ST6GALNAC3: variants seen among roughly 807,000 people sequenced by gnomAD.
ST6GALNAC3 encodes the protein alpha-N-acetylgalactosaminide alpha-2,6-sialyltransferase 3.
A neutral mutation model predicts 32.7 loss-of-function variants in ST6GALNAC3; 25 were observed. The ratio of observed to expected loss-of-function variants is 0.76; its 90% confidence interval spans 0.56 to 1.07. The LOEUF is 1.07. Ranked by LOEUF, ST6GALNAC3 falls within the 50% of genes least tolerant of loss-of-function variation. The pLI, the probability that ST6GALNAC3 is intolerant of heterozygous loss-of-function variation, is 0.00. For synonymous variants in ST6GALNAC3, 129 were observed against 133.1 expected (o/e 0.97, Z 0.21); for missense variants, 355 against 382.4 (o/e 0.93, Z 0.60).
intron 1 of ST6GALNAC3, among the ~76,000 whole-genome samples, chr1:76,279,142 C>A (rs577471829): frequency 1.4e-4 from 22 of 152,326 alleles, no homozygotes; most frequent in African/African-American, 4.8e-4. Context: ...ACAGCACCAA[C>A]ATGCTTCCCC....
chr1:76,253,222 G>A (rs1409179044), intron 1 of ST6GALNAC3, among the ~76,000 whole-genome samples: 1 of 151,946 alleles, frequency 6.6e-6, no homozygotes, highest in African/African-American at 2.4e-5. Flanking sequence ...CCCATGATTA[G>A]GATTATATTC....
intron 2 of ST6GALNAC3, among the ~76,000 whole-genome samples, chr1:76,329,796 C>CTTTATTTATTTATTTA (rs35038225): frequency 2.0e-5 from 3 of 150,230 alleles, no homozygotes; most frequent in Non-Finnish European, 4.4e-5. Context: ...CTTTCTCTCT[C>CTTTATTTATTTATTTA]TTTATTTATT....
At chr1:76,624,397 C>A (rs1374911163) in intron 3 of ST6GALNAC3, among the ~76,000 whole-genome samples, 3 of 151,772 alleles carry the variant, frequency 2.0e-5, no homozygotes, top group Admixed American at 6.6e-5. Flanking sequence ...CACTAATGAC[C>A]ATTGTATCTT....
chr1:76,404,710 T>G (rs1403690710), intron 2 of ST6GALNAC3, among the ~76,000 whole-genome samples: 1 of 152,094 alleles, frequency 6.6e-6, no homozygotes, highest in African/African-American at 2.4e-5. Flanking sequence ...TTTGTTCAAA[T>G]TCATTCAAAT....
intron 2 of ST6GALNAC3, among the ~76,000 whole-genome samples, chr1:76,409,263 C>A (rs1371553624): frequency 6.6e-6 from 1 of 152,044 alleles, no homozygotes; most frequent in Non-Finnish European, 1.5e-5. Flanking sequence ...AGTTGAGAAA[C>A]CTTACTGTGT....
At chr1:76,406,402 C>T (rs1292983596) in intron 2 of ST6GALNAC3, among the ~76,000 whole-genome samples, 1 of 151,998 alleles carries the variant, frequency 6.6e-6, no homozygotes, top group East Asian at 1.9e-4. Flanking sequence ...TCTTTCACTG[C>T]TGTTGTGAAA....
chr1:76,272,322 C>CG (rs1202498124), intron 1 of ST6GALNAC3, among the ~76,000 whole-genome samples: 2 of 52,594 alleles, frequency 3.8e-5, no homozygotes, highest in East Asian at 2.4e-3. Context: ...GACTCAGTCT[C>CG]GGAAAAAAAA....
chr1:76,145,802 T>C (rs779972630), intron 1 of ST6GALNAC3, among the ~76,000 whole-genome samples: 1 of 152,258 alleles, frequency 6.6e-6, no homozygotes, highest in South Asian at 2.1e-4. Flanking sequence ...ATAAGTCATC[T>C]GCTTTTTCAA....
At chr1:76,574,189 C>T (rs185481394) in intron 3 of ST6GALNAC3, among the ~76,000 whole-genome samples, 2 of 152,130 alleles carry the variant, frequency 1.3e-5, no homozygotes, top group Admixed American at 1.3e-4. Flanking sequence ...TGGTATATGG[C>T]ACAGTTTTGA....
chr1:76,321,080 T>C (rs564778451), intron 2 of ST6GALNAC3, among the ~76,000 whole-genome samples: 31 of 152,132 alleles, frequency 2.0e-4, no homozygotes, highest in Non-Finnish European at 2.1e-4. Context: ...TGGCCCTTCC[T>C]TTTGACCACA....
intron 3 of ST6GALNAC3, among the ~76,000 whole-genome samples, chr1:76,548,901 A>C (rs575542266): frequency 2.2e-4 from 34 of 152,264 alleles, no homozygotes; most frequent in African/African-American, 7.7e-4. Context: ...CTCTGCCGCC[A>C]CTGTATCCCC....
intron 3 of ST6GALNAC3, among the ~76,000 whole-genome samples, chr1:76,607,955 C>T (rs1433038354): frequency 1.3e-5 from 2 of 152,194 alleles, no homozygotes; most frequent in African/African-American, 4.8e-5. Context: ...GGCAGCCAGC[C>T]TGCTGCTAGG....
At chr1:76,210,881 G>A (rs980033342) in intron 1 of ST6GALNAC3, among the ~76,000 whole-genome samples, 8 of 152,084 alleles carry the variant, frequency 5.3e-5, no homozygotes, top group Non-Finnish European at 1.0e-4. Context: ...CAAGTAGCTG[G>A]GGTTACAGGC....
At chr1:76,432,643 G>A (rs932311480) in intron 3 of ST6GALNAC3, among the ~76,000 whole-genome samples, 5 of 151,192 alleles carry the variant, frequency 3.3e-5, no homozygotes, top group African/African-American at 4.9e-5. Context: ...TTTTTGTAAA[G>A]ACAGAGTCAC....
rs142376817 is a variant in ST6GALNAC3, at chr1:76,110,550, C to T, written c.18+35666C>T. 4.5e-3 allele frequency among the ~76,000 whole-genome samples: 689 copies of T among 152,300 alleles called. 9 individuals carry two copies. Among genetic ancestry groups the T allele is most frequent in the African/African-American group, 0.015 (623 of 41,562 alleles). On this transcript the variant is annotated intron_variant, in intron 1 of 4. Coordinates refer to ENST00000328299, the MANE Select transcript of ST6GALNAC3 (RefSeq NM_152996.4). ...CACTGTGGCTTTGGGAGTGTCAGCT[C>T]CCTGCATCACTATAAAATGAGTAGG...
intron 3 of ST6GALNAC3, among the ~76,000 whole-genome samples, chr1:76,420,195 A>C (rs539043293): frequency 6.6e-6 from 1 of 151,998 alleles, no homozygotes; most frequent in Non-Finnish European, 1.5e-5. Context: ...ATTTTTAACA[A>C]GTTTCCAGGC....
At chr1:76,404,756 C>T (rs1385452302) in intron 2 of ST6GALNAC3, among the ~76,000 whole-genome samples, 1 of 152,010 alleles carries the variant, frequency 6.6e-6, no homozygotes, top group Non-Finnish European at 1.5e-5. Flanking sequence ...TTTGTTTCAA[C>T]ATTAAAGTAG....
chr1:76,275,046 C>T (rs935242202), intron 1 of ST6GALNAC3, among the ~76,000 whole-genome samples: 4 of 152,332 alleles, frequency 2.6e-5, no homozygotes, highest in East Asian at 1.9e-4. Flanking sequence ...CTATGCTCTA[C>T]GGAGACAGTG....
intron 1 of ST6GALNAC3, among the ~76,000 whole-genome samples, chr1:76,214,388 A>G (rs1557701753): frequency 6.6e-6 from 1 of 152,034 alleles, no homozygotes; most frequent in Non-Finnish European, 1.5e-5. Context: ...ATATACTCAA[A>G]GCAACCTCTT....
Sources: gnomAD v4.1 joint callset for allele counts (sites outside exome capture counted in the v4.1 genomes callset) on GRCh38, gnomAD v4.1.1 for gene constraint, MANE v1.5 for transcripts, NCBI Gene and HGNC (gene_info 2026-07-23, HGNC 2026-07-21) for gene names.